PTPRM: variants seen among roughly 807,000 people sequenced by gnomAD.
PTPRM encodes protein tyrosine phosphatase receptor type M.
In PTPRM, 47 loss-of-function variants were observed where a neutral mutation model predicts 186.7. The observed-to-expected ratio is 0.25, with a 90% CI of 0.20 to 0.32. The LOEUF is 0.32. Ranked by LOEUF, PTPRM falls within the 10% of genes least tolerant of loss-of-function variation. PTPRM has a pLI of 1.00. For synonymous variants in PTPRM, 668 were observed against 674.9 expected (o/e 0.99, Z 0.16); for missense variants, 1,494 against 1,865.0 (o/e 0.80, Z 3.66).
chr18:8,374,793 G>A (rs891472802), intron 24 of PTPRM, among the ~76,000 whole-genome samples: 1 of 152,230 alleles, frequency 6.6e-6, no homozygotes, highest in African/African-American at 2.4e-5. Context: ...GGGTGCCAAG[G>A]AAGTCTTATC....
chr18:7,932,383 AT>A (rs1164997029), intron 5 of PTPRM, among the ~76,000 whole-genome samples: 2 of 152,130 alleles, frequency 1.3e-5, no homozygotes, highest in African/African-American at 4.8e-5. Context: ...TAAATTCCTA[AT>A]TTTATTGACG....
At chr18:8,308,078 A>T (rs531981249) in intron 20 of PTPRM, among the ~76,000 whole-genome samples, 2 of 152,354 alleles carry the variant, frequency 1.3e-5, no homozygotes, top group South Asian at 4.1e-4. Context: ...AACCATTTTT[A>T]AGGTCAGTGC....
chr18:7,611,111 T>G (rs1471417767), intron 1 of PTPRM, among the ~76,000 whole-genome samples: 1 of 152,098 alleles, frequency 6.6e-6, no homozygotes, highest in Non-Finnish European at 1.5e-5. Flanking sequence ...AAAATAAGGA[T>G]ATAAAGAAAG....
rs146092134 is a variant in PTPRM, at chr18:8,395,301, G to A, written c.4344+690G>A. 2.6e-3 allele frequency among the ~76,000 whole-genome samples: 391 copies of A among 152,252 alleles called. 1 individual carries two copies. The highest frequency in any genetic ancestry group is 9.1e-3 in the African/African-American group (377 of 41,532). On this transcript the variant is annotated intron_variant, in intron 32 of 32. Coordinates refer to ENST00000580170, the MANE Select transcript of PTPRM (RefSeq NM_001105244.2). ...TGGAAAATGGCTTGGGGGCAGGAGA[G>A]GGAGGAAGAGATGGCCGATGGGACA...
chr18:8,353,447 C>A (rs2095546820), intron 23 of PTPRM, among the ~76,000 whole-genome samples: 1 of 152,096 alleles, frequency 6.6e-6, no homozygotes, highest in Non-Finnish European at 1.5e-5. Flanking sequence ...TAGAGCAAGG[C>A]TCTAGGTGAA....
intron 7 of PTPRM, among the ~76,000 whole-genome samples, chr18:8,036,289 G>T (rs1600189955): frequency 6.6e-6 from 1 of 152,252 alleles, no homozygotes; most frequent in Non-Finnish European, 1.5e-5. Flanking sequence ...GTCCCAAACA[G>T]CATCTACTGC....
intron 7 of PTPRM, among the ~76,000 whole-genome samples, chr18:8,046,174 TG>T (rs2087039280): frequency 1.3e-5 from 2 of 152,148 alleles, no homozygotes; most frequent in Admixed American, 1.3e-4. Flanking sequence ...CTGCCATGAC[TG>T]TAAGTTTCCT....
Position 8,198,627 on chromosome 18 carries a change from C to A in PTPRM, c.2301-45431C>A, listed in dbSNP as rs530636096. Among the ~76,000 whole-genome samples, 6 of 152,170 alleles carry A rather than the reference C, an allele frequency of 3.9e-5. No homozygotes were observed. The East Asian group carries it at 5.8e-4, about 15-fold the overall frequency. The stretch of plus-strand genomic sequence containing the variant: ...TCTGCTCAGTGCTGGTTCTGTATTG[C>A]GGAGAGGATCTAAACAGAAAGTAAT... On this transcript the variant is annotated intron_variant, in intron 14 of 32. Coordinates refer to ENST00000580170, the MANE Select transcript of PTPRM (RefSeq NM_001105244.2).
chr18:8,076,654 C>A, intron 9 of PTPRM, 90 bp downstream of exon 9: 2 of 618,742 alleles, frequency 3.2e-6, no homozygotes. Flanking sequence ...TGCATACTTA[C>A]ATAATATATT....
At chr18:8,264,878 A>G (rs1323274842) in intron 19 of PTPRM, among the ~76,000 whole-genome samples, 1 of 152,114 alleles carries the variant, frequency 6.6e-6, no homozygotes, top group African/African-American at 2.4e-5. Context: ...CCCATTTTCC[A>G]GATGAGAAAA....
intron 1 of PTPRM, among the ~76,000 whole-genome samples, chr18:7,669,137 C>T (rs374899739): frequency 6.6e-6 from 1 of 151,982 alleles, no homozygotes; most frequent in Admixed American, 6.5e-5. Context: ...TCCTTGAAAC[C>T]TAGGAAAGAA....
chr18:7,779,262 T>G (rs1007763240), intron 2 of PTPRM, among the ~76,000 whole-genome samples: 2 of 152,222 alleles, frequency 1.3e-5, no homozygotes, highest in Non-Finnish European at 2.9e-5. Flanking sequence ...CATAATTCTC[T>G]TAGTATTTTT....
rs908683902 is a variant in PTPRM at position 8,406,463 on chromosome 18, G to A, written c.*301G>A. The A allele has an allele frequency of 1.6e-5, 5 of 319,224 alleles. No individual in the cohort carries two copies. The highest frequency in any genetic ancestry group is 9.1e-5 in the Admixed American group (2 of 21,924). 19.8% of individuals were successfully genotyped at this position (319,224 alleles called of 1,614,324 possible). On this transcript the variant is annotated 3_prime_UTR_variant, in exon 33 of 33. Coordinates refer to ENST00000580170, the MANE Select transcript of PTPRM (RefSeq NM_001105244.2). ...AAGAGCACAACTATATTCTTATGAA[G>A]GAATTTGTACCTTTGGGGTATTATT...
intron 1 of PTPRM, among the ~76,000 whole-genome samples, chr18:7,664,383 G>C (rs1313549576): frequency 6.6e-6 from 1 of 152,212 alleles, no homozygotes; most frequent in African/African-American, 2.4e-5. Flanking sequence ...GATAAAATAA[G>C]ACTGTGACCA....
At chr18:8,119,714 G>A (rs539148343) in intron 13 of PTPRM, among the ~76,000 whole-genome samples, 22 of 152,114 alleles carry the variant, frequency 1.4e-4, no homozygotes, top group African/African-American at 4.8e-4. Context: ...AGGAACACTG[G>A]AGTCATGCAA....
intron 2 of PTPRM, among the ~76,000 whole-genome samples, chr18:7,875,150 C>A (rs757712399): frequency 6.6e-6 from 1 of 151,686 alleles, no homozygotes; most frequent in East Asian, 2.0e-4. Flanking sequence ...GAACTGAGAT[C>A]GTGCCACTGC....
chr18:8,348,105 C>A (rs982204968), intron 23 of PTPRM, among the ~76,000 whole-genome samples: 1 of 152,256 alleles, frequency 6.6e-6, no homozygotes. Context: ...CCCAAGAAAT[C>A]AAAATGACAT....
chr18:7,747,726 C>T (rs2144568838), intron 1 of PTPRM: 1 of 152,226 alleles, frequency 6.6e-6, no homozygotes, highest in African/African-American at 2.4e-5. Flanking sequence ...GATTAAGGGT[C>T]CACCCTACTT....
chr18:7,740,707 G>A (rs1055169941), intron 1 of PTPRM, among the ~76,000 whole-genome samples: 2 of 152,224 alleles, frequency 1.3e-5, no homozygotes, highest in African/African-American at 4.8e-5. Flanking sequence ...GTTGTGAGCT[G>A]TGGAGCCAGG....
Sources: gnomAD v4.1 joint callset for allele counts (sites outside exome capture counted in the v4.1 genomes callset) on GRCh38, gnomAD v4.1.1 for gene constraint, MANE v1.5 for transcripts, NCBI Gene and HGNC (gene_info 2026-07-23, HGNC 2026-07-21) for gene names.